The following ZNF718 variants were observed in gnomAD, a reference collection of about 807,000 sequenced individuals.
ZNF718 encodes the protein zinc finger protein 718.
ZNF718 carries 3 observed loss-of-function variants against 2.6 expected under a neutral mutation model. That is an observed-to-expected ratio of 1.16 (90% CI 0.53 to 3.01). The LOEUF is 3.01. Among genes scored for constraint, ZNF718 ranks in the 30% most tolerant of loss-of-function variants. The pLI, the probability that ZNF718 is intolerant of heterozygous loss-of-function variation, is 0.03. For missense variants in ZNF718, 468 were observed against 230.0 expected (o/e 2.03, Z -6.69); for synonymous variants, 135 against 77.9 (o/e 1.73, Z -3.86).
chr4:151,304 C>A (rs943007920), intron 3 of ZNF718, among the ~76,000 whole-genome samples: 1 of 151,608 alleles, frequency 6.6e-6, no homozygotes, highest in Non-Finnish European at 1.5e-5. Flanking sequence ...CGGGGTTTCA[C>A]CGTGTTGCCC....
chr4:142,804 A>G (rs782249864), intron 3 of ZNF718, among the ~76,000 whole-genome samples: 1 of 152,238 alleles, frequency 6.6e-6, no homozygotes, highest in Non-Finnish European at 1.5e-5. Context: ...ATTAACAAAG[A>G]AATTGCTTAG....
In ZNF718 at chr4:161,831, T is replaced by C. The variant is rs782086332; in HGVS notation, c.1146T>C (p.Leu382=). Residue 382 remains leucine, a synonymous_variant, in exon 4 of 4, where the codon CTT becomes CTC. Transcript: ENST00000510175. The part of the protein sequence containing the change: ...CGKAFNWSST[L]NVHKRIHSGK... ...AAGCCTTTAATTGGTCCTCAACCCTTAATGTACACAAGAGAATTCACTCTG... is the reference window on the plus strand; with the variant it reads ...AAGCCTTTAATTGGTCCTCAACCCTCAATGTACACAAGAGAATTCACTCTG... 2.6e-6 allele frequency: 2 copies of C among 780,742 alleles called. No homozygotes were observed. Among genetic ancestry groups the C allele is most frequent in the Admixed American group, 3.4e-5 (2 of 59,008 alleles). The allele number at this position is 780,742 out of a possible 1,614,324, so 48.4% of individuals were successfully genotyped here.
At chr4:139,185 A>G (rs1553809912) in intron 3 of ZNF718, among the ~76,000 whole-genome samples, 2 of 152,180 alleles carry the variant, frequency 1.3e-5, no homozygotes, top group African/African-American at 4.8e-5. Flanking sequence ...GTATTACTCA[A>G]GACATCTTTG....
chr4:174,564 C>G (rs371697702), intron 3 of ZNF718, among the ~76,000 whole-genome samples: 1 of 152,140 alleles, frequency 6.6e-6, no homozygotes, highest in East Asian at 1.9e-4. Flanking sequence ...CCTGGAGGCC[C>G]TAAGCCACTC....
intron 3 of ZNF718, among the ~76,000 whole-genome samples, chr4:141,634 T>G (rs1220231194): frequency 1.3e-5 from 2 of 152,186 alleles, no homozygotes; most frequent in Non-Finnish European, 2.9e-5. Context: ...TCAATCTGCT[T>G]TAGGTTATAT....
chr4:138,650 T>A (rs1456697489), intron 3 of ZNF718, among the ~76,000 whole-genome samples: 2 of 152,126 alleles, frequency 1.3e-5, no homozygotes, highest in Non-Finnish European at 2.9e-5. Context: ...TACCTAGCAA[T>A]GGGATTGCTG....
intron 3 of ZNF718, among the ~76,000 whole-genome samples, chr4:192,528 G>A (rs1470472718): frequency 6.6e-6 from 1 of 152,172 alleles, no homozygotes; most frequent in African/African-American, 2.4e-5. Context: ...AGGAAATCCA[G>A]CTAGTCCTGT....
chr4:143,909 G>A (rs73793528), intron 3 of ZNF718, among the ~76,000 whole-genome samples: 2,475 of 152,136 alleles, frequency 0.016, 77 homozygotes, highest in African/African-American at 0.056. Context: ...GAAAAAGACC[G>A]TTGACCCCCC....
intron 1 of ZNF718, among the ~76,000 whole-genome samples, chr4:129,729 T>G (rs1715306687): frequency 9.8e-6 from 1 of 102,442 alleles, no homozygotes; most frequent in Non-Finnish European, 2.2e-5. Flanking sequence ...AGCACTTCCT[T>G]TCTGTATCTG....
At chr4:178,141 ATT>A (rs5855670) in intron 3 of ZNF718, among the ~76,000 whole-genome samples, 16 of 143,178 alleles carry the variant, frequency 1.1e-4, no homozygotes, top group African/African-American at 7.7e-5. Flanking sequence ...TGATAATTTC[ATT>A]TTTTTTTTTT....
At chr4:193,893 G>A (rs1001245109) in intron 3 of ZNF718, among the ~76,000 whole-genome samples, 1 of 152,166 alleles carries the variant, frequency 6.6e-6, no homozygotes, top group Non-Finnish European at 1.5e-5. Context: ...TGACATAAGG[G>A]CATGGACAAG....
At chr4:177,269 A>C (rs953043597) in intron 3 of ZNF718, among the ~76,000 whole-genome samples, 1 of 152,222 alleles carries the variant, frequency 6.6e-6, no homozygotes, top group African/African-American at 2.4e-5. Flanking sequence ...TTACAGCAAC[A>C]GGTTTATTAT....
At chr4:155,619 C>T (rs1172460424) in intron 3 of ZNF718, among the ~76,000 whole-genome samples, 8 of 152,268 alleles carry the variant, frequency 5.3e-5, no homozygotes, top group African/African-American at 1.9e-4. Context: ...TACCCAATGC[C>T]TGCACCCCCA....
intron 3 of ZNF718, among the ~76,000 whole-genome samples, chr4:138,438 C>T (rs1715669279): frequency 6.6e-6 from 1 of 152,110 alleles, no homozygotes; most frequent in Admixed American, 6.5e-5. Context: ...TAGTTCCATC[C>T]ATGTTGTTGA....
rs550567907 is a variant in ZNF718, at chr4:147,332, C to T, written c.227-13580C>T. Among the ~76,000 whole-genome samples, 5 of 152,292 alleles carry T rather than the reference C, an allele frequency of 3.3e-5. No homozygotes were observed. The East Asian group carries it at 7.7e-4, about 23-fold the overall frequency. On this transcript the variant is annotated intron_variant, in intron 3 of 3. Coordinates refer to ENST00000510175, the MANE Select transcript of ZNF718 (RefSeq NM_001039127.6). ...TCATGATCCATTAAGGATGTCCTTG[C>T]GTCTGAAGAAGCAAATGCCTCTTTC...
chr4:182,812 G>C (rs1717494532), intron 3 of ZNF718, among the ~76,000 whole-genome samples: 1 of 152,128 alleles, frequency 6.6e-6, no homozygotes, highest in South Asian at 2.1e-4. Context: ...TCTGAGAAGT[G>C]TCTGTTAATA....
chr4:128,161 G>T lies in ZNF718; in HGVS notation c.4-2627G>T, dbSNP rs1257465962. Among the ~76,000 whole-genome samples, 3 of 104,072 alleles carry T rather than the reference G, an allele frequency of 2.9e-5. 1 individual carries two copies. The highest frequency in any genetic ancestry group is 6.4e-5 in the Non-Finnish European group (3 of 46,708). 68.3% of individuals were successfully genotyped at this position (104,072 alleles called of 152,430 possible). On this transcript the variant is annotated intron_variant, in intron 1 of 3. Coordinates refer to ENST00000510175, the MANE Select transcript of ZNF718 (RefSeq NM_001039127.6). ...AATCTGCATACAAAAGTTGGCCTCT[G>T]CCTGGGATTCCCAACACTGGACCAG...
intron 3 of ZNF718, among the ~76,000 whole-genome samples, chr4:158,111 C>G (rs1553814051): frequency 6.6e-6 from 1 of 152,060 alleles, no homozygotes; most frequent in African/African-American, 2.4e-5. Flanking sequence ...TGTCCTTTGT[C>G]TCTTATAAGC....
At chr4:177,765 AT>A (rs1183669560) in intron 3 of ZNF718, among the ~76,000 whole-genome samples, 4 of 152,296 alleles carry the variant, frequency 2.6e-5, no homozygotes, top group African/African-American at 9.6e-5. Context: ...TGAGACACTG[AT>A]GAGTTCTTTA....
Sources: gnomAD v4.1 joint callset for allele counts (sites outside exome capture counted in the v4.1 genomes callset) on GRCh38, gnomAD v4.1.1 for gene constraint, MANE v1.5 for transcripts, NCBI Gene and HGNC (gene_info 2026-07-23, HGNC 2026-07-21) for gene names.